The following RORA variants were observed in gnomAD, a reference collection of about 807,000 sequenced individuals.
RORA encodes RAR related orphan receptor A, also known as nuclear receptor ROR-alpha.
A neutral mutation model predicts 69.5 loss-of-function variants in RORA; 7 were observed. That is an observed-to-expected ratio of 0.10 (90% CI 0.06 to 0.19). The LOEUF (loss-of-function observed/expected upper bound fraction) is 0.19. Among genes scored for constraint, RORA ranks in the 10% least tolerant of loss-of-function variants. RORA has a pLI of 1.00. For synonymous variants in RORA, 261 were observed against 240.8 expected (o/e 1.08, Z -0.78); for missense variants, 457 against 663.0 (o/e 0.69, Z 3.41).
intron 1 of RORA, among the ~76,000 whole-genome samples, chr15:60,949,066 G>T (rs562629691): frequency 1.3e-5 from 2 of 152,270 alleles, no homozygotes; most frequent in Admixed American, 6.5e-5. Flanking sequence ...GGAGTGATGA[G>T]ATACAGCACA....
At chr15:60,547,593 T>A (rs1275269680) in intron 2 of RORA, 1 of 151,042 alleles carries the variant, frequency 6.6e-6, no homozygotes, top group Non-Finnish European at 1.5e-5. Context: ...CCCAAAGTGC[T>A]GGGATTACAG....
At chr15:61,186,274 T>C (rs1379443819) in intron 1 of RORA, among the ~76,000 whole-genome samples, 1 of 152,128 alleles carries the variant, frequency 6.6e-6, no homozygotes, top group Non-Finnish European at 1.5e-5. Flanking sequence ...TCATCCAGTA[T>C]CAGCCCCAGG....
intron 2 of RORA, among the ~76,000 whole-genome samples, chr15:60,660,168 ATTTC>A (rs2070283411): frequency 6.6e-6 from 1 of 152,168 alleles, no homozygotes; most frequent in African/African-American, 2.4e-5. Flanking sequence ...TCTTTTAAAT[ATTTC>A]TTTTAGACGC....
chr15:60,555,676 T>A (rs1258240115), intron 2 of RORA, among the ~76,000 whole-genome samples: 1 of 152,022 alleles, frequency 6.6e-6, no homozygotes, highest in Admixed American at 6.6e-5. Flanking sequence ...AATGAAGTGG[T>A]CTTGTGTTCA....
chr15:60,942,665 T>C (rs975991696), intron 1 of RORA, among the ~76,000 whole-genome samples: 1 of 152,252 alleles, frequency 6.6e-6, no homozygotes, highest in Non-Finnish European at 1.5e-5. Context: ...TGTGTGAATG[T>C]TATATGCATA....
chr15:60,635,962 T>G (rs1423661052), intron 2 of RORA, among the ~76,000 whole-genome samples: 1 of 152,196 alleles, frequency 6.6e-6, no homozygotes, highest in Admixed American at 6.5e-5. Context: ...CAGATCTGGC[T>G]CTCTCTGTGG....
intron 1 of RORA, among the ~76,000 whole-genome samples, chr15:61,086,105 C>T (rs2078620845): frequency 6.6e-6 from 1 of 152,220 alleles, no homozygotes. Context: ...ATCATGCAGA[C>T]CTTCAGATAT....
At chr15:60,655,003 T>C (rs746389065) in intron 2 of RORA, among the ~76,000 whole-genome samples, 5 of 152,142 alleles carry the variant, frequency 3.3e-5, no homozygotes, top group Non-Finnish European at 5.9e-5. Context: ...ATAAAAGCCA[T>C]AGGAAACGAA....
chr15:61,035,069 T>C (rs1566954671), intron 1 of RORA, among the ~76,000 whole-genome samples: 2 of 152,218 alleles, frequency 1.3e-5, no homozygotes, highest in Non-Finnish European at 2.9e-5. Flanking sequence ...TAATTAGCAT[T>C]GTAGACTTTA....
intron 2 of RORA, among the ~76,000 whole-genome samples, chr15:60,624,592 CACAA>C (rs2069522797): frequency 6.7e-6 from 1 of 149,324 alleles, no homozygotes; most frequent in African/African-American, 2.5e-5. Context: ...TACACACACA[CACAA>C]ACACACACAA....
intron 1 of RORA, among the ~76,000 whole-genome samples, chr15:61,154,217 C>A (rs1307336910): frequency 6.6e-6 from 1 of 152,078 alleles, no homozygotes. Context: ...GACTGACATT[C>A]TTTTTCTTGG....
chr15:60,873,229 GTGTGTGTGTGTGTGTGTGTC>G (rs1435186260), intron 1 of RORA, among the ~76,000 whole-genome samples: 7 of 141,740 alleles, frequency 4.9e-5, no homozygotes, highest in South Asian at 2.4e-4. Context: ...AAGGTCGTGT[GTGTGTGTGTGTGTGTGTGTC>G]TGTGTGTGTG....
intron 1 of RORA, among the ~76,000 whole-genome samples, chr15:61,151,824 C>T (rs2079400577): frequency 6.6e-6 from 1 of 152,178 alleles, no homozygotes; most frequent in Admixed American, 6.5e-5. Flanking sequence ...AGCACTATGA[C>T]AAATGCAAGG....
chr15:60,693,423 C>T (rs2070858084), intron 1 of RORA, among the ~76,000 whole-genome samples: 1 of 152,110 alleles, frequency 6.6e-6, no homozygotes, highest in Admixed American at 6.5e-5. Flanking sequence ...CACTCCTATT[C>T]AACATAGTAT....
intron 1 of RORA, chr15:60,848,186 G>C (rs1348405834): frequency 6.6e-6 from 1 of 152,274 alleles, no homozygotes; most frequent in Non-Finnish European, 1.5e-5. Context: ...CAGCTCCTGG[G>C]AGAAGCCTTC....
At chr15:60,993,455 A>C (rs987184319) in intron 1 of RORA, among the ~76,000 whole-genome samples, 1 of 152,102 alleles carries the variant, frequency 6.6e-6, no homozygotes, top group African/African-American at 2.4e-5. Context: ...CCTGGCCAAC[A>C]TGGTGAAACC....
chr15:60,906,490 C>T (rs919392178), intron 1 of RORA, among the ~76,000 whole-genome samples: 4 of 152,208 alleles, frequency 2.6e-5, no homozygotes, highest in Admixed American at 2.6e-4. Context: ...CACAGCTGCA[C>T]AGGAAATCAA....
At chr15:60,577,015 A>G (rs897603366) in intron 2 of RORA, among the ~76,000 whole-genome samples, 2 of 152,224 alleles carry the variant, frequency 1.3e-5, no homozygotes, top group African/African-American at 2.4e-5. Context: ...GTAAACCACA[A>G]ATTTTATGCC....
At position 60,622,742 on chromosome 15, in the gene RORA, G is replaced by A. The variant is rs1048883057; in HGVS notation, c.196+55915C>T. On this transcript the variant is annotated intron_variant, in intron 2 of 10. Coordinates refer to ENST00000335670, the MANE Select transcript of RORA (RefSeq NM_134261.3). ...TAAAACAATTATTTTTTGAGGTGCAGTCTCGCTGTGTCACCCAGGCTGGGG... is the reference window on the plus strand; with the variant it reads ...TAAAACAATTATTTTTTGAGGTGCAATCTCGCTGTGTCACCCAGGCTGGGG... Among the ~76,000 whole-genome samples the A allele has an allele frequency of 6.6e-5, 10 of 152,168 alleles. No individual in the cohort carries two copies. In the South Asian group the frequency reaches 2.1e-3, roughly 32 times the overall value.
Sources: gnomAD v4.1 joint callset for allele counts (sites outside exome capture counted in the v4.1 genomes callset) on GRCh38, gnomAD v4.1.1 for gene constraint, MANE v1.5 for transcripts, NCBI Gene and HGNC (gene_info 2026-07-23, HGNC 2026-07-21) for gene names.